PDE3A: variants seen among roughly 807,000 people sequenced by gnomAD.
PDE3A encodes cGMP-inhibited 3',5'-cyclic phosphodiesterase 3A.
In PDE3A, 43 loss-of-function variants were observed where a neutral mutation model predicts 98.3. The observed-to-expected ratio is 0.44, with a 90% CI of 0.34 to 0.56. The LOEUF (loss-of-function observed/expected upper bound fraction) is 0.56, where lower values mean the gene tolerates loss of function less well. PDE3A is among the 20% of genes least tolerant of loss of function. The pLI, the probability that PDE3A is intolerant of heterozygous loss-of-function variation, is 0.01. For synonymous variants in PDE3A, 663 were observed against 567.9 expected (o/e 1.17, Z -2.38); for missense variants, 1,427 against 1,440.7 (o/e 0.99, Z 0.15).
intron 1 of PDE3A, among the ~76,000 whole-genome samples, chr12:20,388,728 A>G (rs990696484): frequency 3.3e-5 from 5 of 152,176 alleles, no homozygotes; most frequent in Admixed American, 1.3e-4. Flanking sequence ...TCTGAGTTAC[A>G]TACACTGTAT....
At chr12:20,618,762 A>C (rs913526472) in intron 4 of PDE3A, among the ~76,000 whole-genome samples, 1 of 152,112 alleles carries the variant, frequency 6.6e-6, no homozygotes, top group African/African-American at 2.4e-5. Context: ...AAGCTGAAAT[A>C]AATCAGACCC....
At chr12:20,540,025 A>G (rs1296422126) in intron 1 of PDE3A, among the ~76,000 whole-genome samples, 3 of 152,120 alleles carry the variant, frequency 2.0e-5, no homozygotes, top group African/African-American at 7.2e-5. Flanking sequence ...ACCCTTAACC[A>G]CTGTGCAATG....
At chr12:20,514,514 C>A (rs1455476033) in intron 1 of PDE3A, among the ~76,000 whole-genome samples, 1 of 152,026 alleles carries the variant, frequency 6.6e-6, no homozygotes, top group Non-Finnish European at 1.5e-5. Context: ...AGAACAGAAC[C>A]CTTGAAGACA....
At chr12:20,639,570 A>T (rs1252529689) in intron 9 of PDE3A, among the ~76,000 whole-genome samples, 2 of 152,112 alleles carry the variant, frequency 1.3e-5, no homozygotes, top group East Asian at 3.9e-4. Context: ...TAATGTGAAC[A>T]TTCCAATAAA....
chr12:20,494,435 T>C (rs12302685), intron 1 of PDE3A, among the ~76,000 whole-genome samples: 3,976 of 152,252 alleles, frequency 0.026, 176 homozygotes, highest in African/African-American at 0.091. Flanking sequence ...TGTAATGTGG[T>C]CAGAGAAACA....
At chr12:20,628,247 TTGAC>T (rs1403611455) in intron 5 of PDE3A, among the ~76,000 whole-genome samples, 1 of 152,334 alleles carries the variant, frequency 6.6e-6, no homozygotes, top group Middle Eastern at 3.4e-3. Context: ...GAATCATACA[TTGAC>T]TGGGAAATTC....
chr12:20,480,463 T>C (rs1271698313), intron 1 of PDE3A, among the ~76,000 whole-genome samples: 2 of 152,244 alleles, frequency 1.3e-5, no homozygotes, highest in African/African-American at 4.8e-5. Context: ...CAAAGCATTG[T>C]ATAATTTAAC....
intron 2 of PDE3A, among the ~76,000 whole-genome samples, chr12:20,604,329 T>TAAAG (rs1211038209): frequency 2.0e-5 from 3 of 152,150 alleles, no homozygotes; most frequent in Non-Finnish European, 4.4e-5. Flanking sequence ...CTTGCCTCCT[T>TAAAG]AAAGACCCCA....
chr12:20,606,027 C>A (rs1320156093), intron 2 of PDE3A, among the ~76,000 whole-genome samples: 3 of 152,126 alleles, frequency 2.0e-5, no homozygotes, highest in Non-Finnish European at 2.9e-5. Context: ...ATTGGTGCTA[C>A]CTCAAAGCAA....
chr12:20,596,580 G>T (rs1459274772), intron 2 of PDE3A, among the ~76,000 whole-genome samples: 1 of 152,090 alleles, frequency 6.6e-6, no homozygotes, highest in Non-Finnish European at 1.5e-5. Context: ...CTTCCTTTTA[G>T]CAATAGAAGT....
At chr12:20,413,982 C>T (rs1380845839) in intron 1 of PDE3A, among the ~76,000 whole-genome samples, 1 of 152,092 alleles carries the variant, frequency 6.6e-6, no homozygotes, top group Non-Finnish European at 1.5e-5. Flanking sequence ...CAGGAGGCAA[C>T]AATAGCTTTC....
In PDE3A at chr12:20,415,648, G is replaced by T. The variant is rs572777265; in HGVS notation, c.960+45404G>T. Among the ~76,000 whole-genome samples, 51 of 152,220 alleles carry T rather than the reference G, an allele frequency of 3.4e-4. No individual in the cohort carries two copies. The East Asian group carries it at 9.3e-3, about 28-fold the overall frequency. On this transcript the variant is annotated intron_variant, in intron 1 of 15. Coordinates refer to ENST00000359062, the MANE Select transcript of PDE3A (RefSeq NM_000921.5). ...GACGGGGTTTCACCATGTTGGCCAG[G>T]CTGGTCTTGAACTCCTGACCTCAGG... is the stretch of plus-strand genomic sequence containing the variant.
intron 1 of PDE3A, among the ~76,000 whole-genome samples, chr12:20,471,466 G>C (rs1471992865): frequency 1.3e-5 from 2 of 152,090 alleles, no homozygotes; most frequent in Non-Finnish European, 2.9e-5. Context: ...CTTTTCCTCT[G>C]TTCTTCTGCT....
At chr12:20,650,622 CAGCTTAAT>C in intron 14 of PDE3A, 22 bp downstream of exon 14, 1 of 1,512,432 alleles carries the variant, frequency 6.6e-7, no homozygotes, top group Non-Finnish European at 9.1e-7. Flanking sequence ...CTGTTTAATA[CAGCTTAAT>C]CTGTACTTAC....
intron 1 of PDE3A, among the ~76,000 whole-genome samples, chr12:20,373,139 C>A (rs1943508216): frequency 6.6e-6 from 1 of 151,838 alleles, no homozygotes; most frequent in Admixed American, 6.6e-5. Context: ...GTTTATAGTT[C>A]TTTAAAGTTT....
intron 15 of PDE3A, among the ~76,000 whole-genome samples, chr12:20,677,854 A>T (rs113387731): frequency 1.3e-5 from 2 of 152,068 alleles, no homozygotes; most frequent in African/African-American, 4.8e-5. Flanking sequence ...CATAGTCTCT[A>T]TGATTTATTT....
intron 1 of PDE3A, among the ~76,000 whole-genome samples, chr12:20,518,517 A>C (rs1296269807): frequency 6.6e-6 from 1 of 152,172 alleles, no homozygotes; most frequent in Non-Finnish European, 1.5e-5. Flanking sequence ...AGCAATATAT[A>C]TTTTGAATAG....
At chr12:20,372,215 AT>A (rs1166357370) in intron 1 of PDE3A, among the ~76,000 whole-genome samples, 1 of 152,174 alleles carries the variant, frequency 6.6e-6, no homozygotes, top group Admixed American at 6.5e-5. Context: ...TGCATATTTA[AT>A]GTTTTGCTGA....
chr12:20,663,578 T>C (rs796644275), intron 15 of PDE3A, among the ~76,000 whole-genome samples: 9 of 152,368 alleles, frequency 5.9e-5, no homozygotes, highest in African/African-American at 1.9e-4. Context: ...CTTTAAGGTA[T>C]AACAACTGCC....
Sources: allele counts gnomAD v4.1 joint callset (sites outside exome capture counted in the v4.1 genomes callset), GRCh38; gene constraint gnomAD v4.1.1; transcripts MANE v1.5; gene names NCBI Gene and HGNC (gene_info 2026-07-23, HGNC 2026-07-21).